SMYD3: variants seen among roughly 807,000 people sequenced by gnomAD.
SMYD3 encodes the protein SET and MYND domain containing 3.
A neutral mutation model predicts 57.7 loss-of-function variants in SMYD3; 36 were observed. That is an observed-to-expected ratio of 0.62 (90% confidence interval 0.48 to 0.82). The LOEUF is 0.82. Ranked by LOEUF, SMYD3 falls within the 40% of genes least tolerant of loss-of-function variation. The pLI is 0.00. For synonymous variants in SMYD3, 211 were observed against 195.0 expected (o/e 1.08, Z -0.68); for missense variants, 515 against 538.8 (o/e 0.96, Z 0.44).
intron 5 of SMYD3, among the ~76,000 whole-genome samples, chr1:246,258,900 CTG>C (rs2063946606): frequency 1.3e-5 from 2 of 152,230 alleles, no homozygotes; most frequent in East Asian, 1.9e-4. Context: ...TTCTCAAAGA[CTG>C]TTTATTTTAT....
At chr1:246,373,709 A>G (rs950406678) in intron 1 of SMYD3, among the ~76,000 whole-genome samples, 1 of 152,172 alleles carries the variant, frequency 6.6e-6, no homozygotes, top group Non-Finnish European at 1.5e-5. Flanking sequence ...AGATGTCTCA[A>G]CTTCATCTGA....
At chr1:245,778,664 G>C (rs2046704453) in intron 10 of SMYD3, among the ~76,000 whole-genome samples, 1 of 152,032 alleles carries the variant, frequency 6.6e-6, no homozygotes, top group South Asian at 2.1e-4. Context: ...TATATATCAA[G>C]GTCAATGATG....
intron 5 of SMYD3, among the ~76,000 whole-genome samples, chr1:246,253,059 G>A (rs952399665): frequency 1.3e-5 from 2 of 152,132 alleles, no homozygotes; most frequent in African/African-American, 4.8e-5. Flanking sequence ...TTCTAAAAAG[G>A]ATGAAAATAT....
At chr1:246,214,943 T>C (rs1460417634) in intron 5 of SMYD3, among the ~76,000 whole-genome samples, 1 of 152,198 alleles carries the variant, frequency 6.6e-6, no homozygotes, top group African/African-American at 2.4e-5. Flanking sequence ...CACTTTCTAG[T>C]AGGTAAAATT....
intron 5 of SMYD3, among the ~76,000 whole-genome samples, chr1:246,204,888 G>T (rs1343297535): frequency 6.6e-6 from 1 of 152,192 alleles, no homozygotes; most frequent in Non-Finnish European, 1.5e-5. Context: ...AGAATCTCCT[G>T]GCTTTTAATT....
At chr1:246,110,233 A>T (rs1485236937) in intron 5 of SMYD3, among the ~76,000 whole-genome samples, 3 of 152,120 alleles carry the variant, frequency 2.0e-5, no homozygotes, top group African/African-American at 7.2e-5. Context: ...GTCTAACTAG[A>T]TGTGTGGACT....
At chr1:246,489,134 C>T (rs975867299) in intron 1 of SMYD3, among the ~76,000 whole-genome samples, 1 of 152,102 alleles carries the variant, frequency 6.6e-6, no homozygotes, top group Non-Finnish European at 1.5e-5. Flanking sequence ...ATCACGAGGT[C>T]AAGAGATTGA....
At chr1:245,769,019 C>T (rs1290400157) in intron 10 of SMYD3, among the ~76,000 whole-genome samples, 1 of 152,160 alleles carries the variant, frequency 6.6e-6, no homozygotes, top group Non-Finnish European at 1.5e-5. Flanking sequence ...GAAAGGAGAA[C>T]TTAACCTGCC....
intron 1 of SMYD3, among the ~76,000 whole-genome samples, chr1:246,473,424 T>G (rs1572530305): frequency 6.6e-6 from 1 of 152,354 alleles, no homozygotes; most frequent in East Asian, 1.9e-4. Flanking sequence ...TCTGCTCATC[T>G]CAGAGAAGAA....
At chr1:246,354,935 G>A (rs2148705446) in intron 2 of SMYD3, 96 bp downstream of exon 2, 1 of 1,072,594 alleles carries the variant, frequency 9.3e-7, no homozygotes, top group South Asian at 1.4e-5. Flanking sequence ...ATTAAAGGCT[G>A]TAAAGAAGTA....
chr1:246,477,418 T>C (rs2068043546), intron 1 of SMYD3, among the ~76,000 whole-genome samples: 1 of 152,214 alleles, frequency 6.6e-6, no homozygotes, highest in Non-Finnish European at 1.5e-5. Flanking sequence ...AACACTGTTT[T>C]TGAAAACCTA....
intron 5 of SMYD3, among the ~76,000 whole-genome samples, chr1:246,052,062 A>T (rs2060075331): frequency 2.0e-5 from 3 of 152,226 alleles, no homozygotes; most frequent in Admixed American, 2.0e-4. Flanking sequence ...AATACACTTA[A>T]TTAGATTATA....
At chr1:246,265,642 A>C (rs2064092023) in intron 5 of SMYD3, among the ~76,000 whole-genome samples, 1 of 152,178 alleles carries the variant, frequency 6.6e-6, no homozygotes, top group African/African-American at 2.4e-5. Context: ...CAACAATAAA[A>C]AGTCAGAAAA....
intron 1 of SMYD3, among the ~76,000 whole-genome samples, chr1:246,356,096 TG>T (rs1395046383): frequency 6.6e-6 from 1 of 151,516 alleles, no homozygotes; most frequent in African/African-American, 2.4e-5. Context: ...TTCACGCCCC[TG>T]CTACCTCCAT....
intron 5 of SMYD3, among the ~76,000 whole-genome samples, chr1:246,191,546 T>C (rs1302148903): frequency 6.6e-6 from 1 of 152,184 alleles, no homozygotes; most frequent in African/African-American, 2.4e-5. Context: ...ATTAGGGGTG[T>C]GTATCCAAAC....
intron 1 of SMYD3, among the ~76,000 whole-genome samples, chr1:246,423,576 C>T (rs1282067783): frequency 6.6e-6 from 1 of 152,044 alleles, no homozygotes; most frequent in African/African-American, 2.4e-5. Flanking sequence ...AGACGCACAC[C>T]TGCAGCCCCA....
chr1:246,035,740 T>A (rs1003740699), intron 5 of SMYD3: 4 of 152,178 alleles, frequency 2.6e-5, no homozygotes, highest in African/African-American at 4.8e-5. Context: ...CTCATCCATA[T>A]TCAACTCTTT....
chr1:245,906,812 G>GA lies in SMYD3; in HGVS notation c.813+8717dup, dbSNP rs1426613111. 3.9e-5 allele frequency among the ~76,000 whole-genome samples: 6 copies of GA among 152,154 alleles called. No homozygotes were observed. The East Asian group carries it at 5.8e-4, about 15-fold the overall frequency. On this transcript the variant is annotated intron_variant, in intron 8 of 11. Transcript: ENST00000490107. ...TACACAATGGAGTACTATTCAGCCA[G>GA]AAAAAAATGAGATCCAGTCATTTGT...
rs142482700 is a variant in SMYD3, at chr1:245,813,590, C to T, written c.1076+44906G>A. Among the ~76,000 whole-genome samples the T allele has an allele frequency of 3.3e-3, 505 of 152,220 alleles. 3 individuals carry two copies. Among genetic ancestry groups the T allele is most frequent in the Non-Finnish European group, 4.8e-3 (328 of 68,006 alleles). On this transcript the variant is annotated intron_variant, in intron 10 of 11. Transcript: ENST00000490107. Reference sequence around the variant, plus strand: ...TCAACAAGGAGTCAGAAGGGCAAAACCCTGTCTAACTAATCTACTTCACCT... The same window carrying T: ...TCAACAAGGAGTCAGAAGGGCAAAATCCTGTCTAACTAATCTACTTCACCT...
Sources: gnomAD v4.1 joint callset for allele counts (sites outside exome capture counted in the v4.1 genomes callset) on GRCh38, gnomAD v4.1.1 for gene constraint, MANE v1.5 for transcripts, NCBI Gene and HGNC (gene_info 2026-07-23, HGNC 2026-07-21) for gene names.